KCNQ3: variants seen among roughly 807,000 people sequenced by gnomAD.
KCNQ3 encodes potassium voltage-gated channel subfamily Q member 3, also known as potassium voltage-gated channel subfamily KQT member 3.
Under a neutral mutation model 92.5 loss-of-function variants are expected in KCNQ3, and 30 were observed. That is an observed-to-expected ratio of 0.32 (90% CI 0.24 to 0.44). The LOEUF (loss-of-function observed/expected upper bound fraction) is 0.44, where lower values mean the gene tolerates loss of function less well. Ranked by LOEUF, KCNQ3 falls within the 20% of genes least tolerant of loss-of-function variation. KCNQ3 has a pLI of 1.00. For missense variants in KCNQ3, 913 were observed against 1,140.3 expected, an observed-to-expected ratio of 0.80 and a Z score of 2.87; for synonymous variants, 450 against 468.8, an observed-to-expected ratio of 0.96 and a Z score of 0.52.
At chr8:132,457,046 C>A (rs958255361) in intron 1 of KCNQ3, among the ~76,000 whole-genome samples, 2 of 152,190 alleles carry the variant, frequency 1.3e-5, no homozygotes, top group Non-Finnish European at 2.9e-5. Flanking sequence ...AAGCCAGGAG[C>A]CTTAGGCAGT....
At chr8:132,362,226 A>G (rs1179670740) in intron 1 of KCNQ3, among the ~76,000 whole-genome samples, 2 of 152,202 alleles carry the variant, frequency 1.3e-5, no homozygotes, top group East Asian at 3.8e-4. Context: ...AAAAATAAAC[A>G]TACTTAAAAA....
At chr8:132,230,103 T>G (rs1161789342) in intron 1 of KCNQ3, among the ~76,000 whole-genome samples, 1 of 152,082 alleles carries the variant, frequency 6.6e-6, no homozygotes, top group Non-Finnish European at 1.5e-5. Context: ...TGGATCTACC[T>G]CAACAGTTTT....
intron 8 of KCNQ3, among the ~76,000 whole-genome samples, chr8:132,168,640 C>T (rs940596792): frequency 2.6e-5 from 4 of 151,122 alleles, no homozygotes; most frequent in East Asian, 2.0e-4. Context: ...GGTTTTATGC[C>T]GGAAAATGAG....
intron 9 of KCNQ3, among the ~76,000 whole-genome samples, chr8:132,160,220 G>T (rs1302426051): frequency 6.6e-6 from 1 of 152,186 alleles, no homozygotes; most frequent in Non-Finnish European, 1.5e-5. Context: ...TGCGTCCATT[G>T]TATTAGCCGA....
intron 1 of KCNQ3, among the ~76,000 whole-genome samples, chr8:132,374,175 C>A (rs1012654877): frequency 6.6e-6 from 1 of 152,150 alleles, no homozygotes; most frequent in Admixed American, 6.5e-5. Flanking sequence ...GGCCATGACC[C>A]GACTTGCTCC....
intron 9 of KCNQ3, among the ~76,000 whole-genome samples, chr8:132,142,513 C>T (rs1475189962): frequency 6.6e-6 from 1 of 152,132 alleles, no homozygotes; most frequent in Non-Finnish European, 1.5e-5. Context: ...CAGCTTTTGC[C>T]CCCTTACCCT....
chr8:132,254,739 C>T (rs1338817131), intron 1 of KCNQ3, among the ~76,000 whole-genome samples: 4 of 152,018 alleles, frequency 2.6e-5, no homozygotes, highest in Non-Finnish European at 4.4e-5. Context: ...ATTAGCTGGG[C>T]GTGGTGGCAT....
chr8:132,388,590 T>A (rs1038025208), intron 1 of KCNQ3, among the ~76,000 whole-genome samples: 10 of 152,208 alleles, frequency 6.6e-5, no homozygotes, highest in African/African-American at 2.4e-4. Context: ...ATAGCATGAC[T>A]TAGATTTGTA....
chr8:132,480,018 G>A, intron 1 of KCNQ3, 129 bp downstream of exon 1: 1 of 834,202 alleles, frequency 1.2e-6, no homozygotes, highest in Non-Finnish European at 1.9e-6. Flanking sequence ...GCTGAGGACG[G>A]GCTGGTCTCC....
At chr8:132,388,567 G>T (rs1346648637) in intron 1 of KCNQ3, among the ~76,000 whole-genome samples, 1 of 152,080 alleles carries the variant, frequency 6.6e-6, no homozygotes, top group Non-Finnish European at 1.5e-5. Flanking sequence ...AAATCATGTT[G>T]CCAGTAGCAT....
chr8:132,360,959 T>A (rs2403774), intron 1 of KCNQ3, among the ~76,000 whole-genome samples: 36,345 of 151,962 alleles, frequency 0.24, 4,758 homozygotes, highest in East Asian at 0.43. Flanking sequence ...AGGGCCATGC[T>A]TCCACCAGGC....
intron 1 of KCNQ3, among the ~76,000 whole-genome samples, chr8:132,277,300 T>A (rs1816364692): frequency 6.6e-6 from 1 of 152,210 alleles, no homozygotes; most frequent in South Asian, 2.1e-4. Flanking sequence ...TCAGGACTCT[T>A]GACCCAAATC....
intron 1 of KCNQ3, among the ~76,000 whole-genome samples, chr8:132,355,064 G>C (rs58867846): frequency 0.029 from 4,434 of 152,266 alleles, 233 homozygotes; most frequent in African/African-American, 0.1. Flanking sequence ...TAGGGAAAGA[G>C]AGAAATGTTC....
Position 132,129,700 on chromosome 8 carries a change from A to C in KCNQ3, c.2181T>G (p.Ser727=). 1 of 1,614,152 alleles carries C rather than the reference A, an allele frequency of 6.2e-7. No homozygotes were observed. Among genetic ancestry groups the C allele is most frequent in the Non-Finnish European group, 8.5e-7 (1 of 1,180,022 alleles). Residue 727 remains serine (S), a synonymous_variant, in exon 15 of 15, where the codon TCT becomes TCG. Transcript: ENST00000388996. This position sits in a 1 kb window ranked among gnomAD's most constrained non-coding sequence, Gnocchi z 5.9. ...PVNLPRGGPS[S]GKVQATPPSS... The stretch of plus-strand genomic sequence containing the variant: ...AAGGAGGAGTTGCCTGAACCTTTCC[A>C]GAACTGGGTCCCCCTCGGGGCAGGT...
intron 1 of KCNQ3, among the ~76,000 whole-genome samples, chr8:132,434,866 C>G (rs937896849): frequency 6.6e-6 from 1 of 152,074 alleles, no homozygotes; most frequent in Non-Finnish European, 1.5e-5. Context: ...AGGAGGTGAC[C>G]CCGGAAGAGG....
intron 1 of KCNQ3, among the ~76,000 whole-genome samples, chr8:132,315,593 T>A (rs2040015757): frequency 1.3e-5 from 2 of 152,110 alleles, no homozygotes; most frequent in African/African-American, 4.8e-5. Context: ...CCTCCCCAAC[T>A]TTCGGGTTGA....
chr8:132,455,098 A>G (rs1350579402), intron 1 of KCNQ3, among the ~76,000 whole-genome samples: 2 of 152,212 alleles, frequency 1.3e-5, no homozygotes, highest in Non-Finnish European at 2.9e-5. Context: ...CCACTGAACT[A>G]TACACATAAA....
rs114545876 is a variant in KCNQ3 at position 132,392,840 on chromosome 8, C to T, written c.386+87307G>A. Reference sequence around the variant, plus strand: ...GACGACAAAAAACTGCAACATTCTCCCCCTTATCAGCTCTTACCATATCAT... The same window carrying T: ...GACGACAAAAAACTGCAACATTCTCTCCCTTATCAGCTCTTACCATATCAT... On this transcript the variant is annotated intron_variant, in intron 1 of 14. Coordinates refer to ENST00000388996, the MANE Select transcript of KCNQ3 (RefSeq NM_004519.4). Among the ~76,000 whole-genome samples the T allele has an allele frequency of 5.8e-3, 872 of 149,482 alleles. 4 individuals carry two copies. Among genetic ancestry groups the T allele is most frequent in the African/African-American group, 0.016 (659 of 40,200 alleles).
At chr8:132,296,294 G>A (rs1184627727) in intron 1 of KCNQ3, among the ~76,000 whole-genome samples, 7 of 152,190 alleles carry the variant, frequency 4.6e-5, no homozygotes, top group Non-Finnish European at 7.3e-5. Flanking sequence ...AACTAAAGCT[G>A]AGATGTCAAA....
Sources: allele counts gnomAD v4.1 joint callset (sites outside exome capture counted in the v4.1 genomes callset), GRCh38; gene constraint gnomAD v4.1.1; non-coding constraint Gnocchi (gnomAD v3.1); transcripts MANE v1.5; gene names NCBI Gene and HGNC (gene_info 2026-07-23, HGNC 2026-07-21).